The following LPP variants were observed in gnomAD, a reference collection of about 807,000 sequenced individuals.
LPP encodes the protein lipoma-preferred partner.
A neutral mutation model predicts 60.4 loss-of-function variants in LPP; 38 were observed. That is an observed-to-expected ratio of 0.63 (90% CI 0.49 to 0.83). The LOEUF is 0.83. Ranked by LOEUF, LPP falls within the 40% of genes least tolerant of loss-of-function variation. The pLI, the probability that LPP is intolerant of heterozygous loss-of-function variation, is 0.00. For missense variants in LPP, 902 were observed against 783.6 expected (o/e 1.15, Z -1.80); for synonymous variants, 328 against 290.8 (o/e 1.13, Z -1.30).
intron 9 of LPP, among the ~76,000 whole-genome samples, chr3:188,843,988 AC>A (rs1311931362): frequency 6.6e-6 from 1 of 152,134 alleles, no homozygotes; most frequent in African/African-American, 2.4e-5. Flanking sequence ...AGAGCTTGCT[AC>A]AAGAAAATTT....
intron 1 of LPP, among the ~76,000 whole-genome samples, chr3:188,185,285 A>T (rs1419996314): frequency 6.6e-6 from 1 of 151,968 alleles, no homozygotes; most frequent in Non-Finnish European, 1.5e-5. Context: ...TGGGGGGAAT[A>T]TTCTTACCCT....
chr3:188,524,556 G>A (rs1281055894), intron 5 of LPP, 109 bp from the exon 6 acceptor site: 4 of 1,058,334 alleles, frequency 3.8e-6, no homozygotes, highest in East Asian at 2.6e-5. Context: ...AAAAAAAAAA[G>A]AGGTGCAGAA....
chr3:188,726,392 C>T (rs1456088548), intron 8 of LPP, among the ~76,000 whole-genome samples: 1 of 152,114 alleles, frequency 6.6e-6, no homozygotes, highest in Non-Finnish European at 1.5e-5. Flanking sequence ...GTGATGCCAT[C>T]AGTCCACAGA....
intron 4 of LPP, among the ~76,000 whole-genome samples, chr3:188,462,233 T>TTAC (rs1560435468): frequency 1.3e-5 from 2 of 151,030 alleles, no homozygotes; most frequent in African/African-American, 2.4e-5. Context: ...AAAATAGACA[T>TTAC]TATTATTATT....
chr3:188,561,696 C>T (rs1830727762), intron 6 of LPP, among the ~76,000 whole-genome samples: 1 of 151,988 alleles, frequency 6.6e-6, no homozygotes, highest in Non-Finnish European at 1.5e-5. Flanking sequence ...GCATGTTCTA[C>T]TTCCCACTTG....
chr3:188,192,447 C>G (rs1298529807), intron 1 of LPP, among the ~76,000 whole-genome samples: 3 of 152,164 alleles, frequency 2.0e-5, no homozygotes, highest in Non-Finnish European at 4.4e-5. Context: ...TTTAATCTCT[C>G]CCACAGGGTA....
chr3:188,678,699 A>G (rs184959756), intron 7 of LPP, among the ~76,000 whole-genome samples: 2 of 152,292 alleles, frequency 1.3e-5, no homozygotes, highest in East Asian at 1.9e-4. Context: ...GGCACCCTCA[A>G]TGGCCCATTC....
At chr3:188,759,848 G>C (rs1731567577) in intron 8 of LPP, among the ~76,000 whole-genome samples, 1 of 152,162 alleles carries the variant, frequency 6.6e-6, no homozygotes. Context: ...GGGTTCTACT[G>C]TTCCTTTCTG....
chr3:188,227,612 G>T (rs1256447593), intron 2 of LPP, among the ~76,000 whole-genome samples: 1 of 152,040 alleles, frequency 6.6e-6, no homozygotes. Context: ...AAGTGCAGAG[G>T]TCATGTGAGC....
chr3:188,266,116 C>T (rs1417472158), intron 2 of LPP, among the ~76,000 whole-genome samples: 1 of 151,934 alleles, frequency 6.6e-6, no homozygotes. Flanking sequence ...TGTGTGTGTT[C>T]TTCCCATCCT....
At chr3:188,856,683 G>T (rs949611262) in intron 9 of LPP, among the ~76,000 whole-genome samples, 4 of 152,078 alleles carry the variant, frequency 2.6e-5, no homozygotes, top group African/African-American at 9.7e-5. Flanking sequence ...TTTTGTTCAA[G>T]GTGCTGTGAA....
chr3:188,450,138 A>G (rs1230436479), intron 4 of LPP, among the ~76,000 whole-genome samples: 1 of 152,158 alleles, frequency 6.6e-6, no homozygotes. Context: ...TAACGTGTAA[A>G]TATTTAATGT....
intron 2 of LPP, among the ~76,000 whole-genome samples, chr3:188,278,202 T>C (rs1449539100): frequency 2.0e-5 from 3 of 152,218 alleles, no homozygotes; most frequent in African/African-American, 7.2e-5. Context: ...ATGGATGGAT[T>C]AGAAAGGTTT....
At chr3:188,295,817 T>A (rs1202599670) in intron 2 of LPP, among the ~76,000 whole-genome samples, 1 of 152,244 alleles carries the variant, frequency 6.6e-6, no homozygotes, top group Non-Finnish European at 1.5e-5. Flanking sequence ...ATGAGCCCCG[T>A]GCCCAGCCTT....
At chr3:188,602,669 T>C (rs1841608063) in intron 6 of LPP, among the ~76,000 whole-genome samples, 1 of 151,378 alleles carries the variant, frequency 6.6e-6, no homozygotes, top group African/African-American at 2.4e-5. Context: ...GTGAAGCTCT[T>C]TTTTTTTCTC....
chr3:188,790,028 A>G (rs1441036796), intron 9 of LPP, among the ~76,000 whole-genome samples: 1 of 152,164 alleles, frequency 6.6e-6, no homozygotes, highest in Non-Finnish European at 1.5e-5. Context: ...TTAGGTGTGC[A>G]CTATTTTTGA....
chr3:188,205,404 C>G (rs768211606), intron 1 of LPP, among the ~76,000 whole-genome samples: 31 of 151,260 alleles, frequency 2.0e-4, no homozygotes, highest in Non-Finnish European at 4.4e-5. Context: ...GCTTCAGCCT[C>G]CCAAGTAGCT....
intron 9 of LPP, among the ~76,000 whole-genome samples, chr3:188,799,706 G>A (rs147057186): frequency 1.7e-4 from 26 of 152,150 alleles, no homozygotes; most frequent in African/African-American, 5.8e-4. Flanking sequence ...ACGTAAGTGG[G>A]GTTCAGAATA....
chr3:188,846,698 A>AG (rs1167173136), intron 9 of LPP, among the ~76,000 whole-genome samples: 1 of 151,728 alleles, frequency 6.6e-6, no homozygotes, highest in Non-Finnish European at 1.5e-5. Context: ...AAAAAAAAAA[A>AG]AAAAAGAGAG....
Sources: allele counts gnomAD v4.1 joint callset (sites outside exome capture counted in the v4.1 genomes callset), GRCh38; gene constraint gnomAD v4.1.1; transcripts MANE v1.5; gene names NCBI Gene and HGNC (gene_info 2026-07-23, HGNC 2026-07-21).